Variants in SLC35F2 observed in about 807,000 individuals in gnomAD.
SLC35F2 encodes solute carrier family 35 member F2.
In SLC35F2, 25 loss-of-function variants were observed where a neutral mutation model predicts 38.1. That is an observed-to-expected ratio of 0.66 (90% confidence interval 0.48 to 0.92). The LOEUF is 0.92. SLC35F2 is among the 40% of genes least tolerant of loss of function. SLC35F2 has a pLI of 0.00. For missense variants in SLC35F2, 409 were observed against 452.9 expected (o/e 0.90, Z 0.88); for synonymous variants, 173 against 181.7 (o/e 0.95, Z 0.38).
rs1479784150 is a variant in SLC35F2 at position 107,803,025 on chromosome 11, A to G, written c.915T>C (p.Val305=). 1 of 1,612,342 alleles carries G rather than the reference A, an allele frequency of 6.2e-7. No homozygotes were observed. Residue 305 remains valine, a synonymous_variant, in exon 7 of 8, where the codon GTT becomes GTC. Transcript: ENST00000525815. The part of the protein sequence containing the change: ...ILTADLYSLF[V]GLFLFGYKFS... ...CCTTATAGCCAAACAGAAAGAGTCCAACAAAAAGGCTGTAGAGGTCCGCTG... is the reference window on the plus strand; with the variant it reads ...CCTTATAGCCAAACAGAAAGAGTCCGACAAAAAGGCTGTAGAGGTCCGCTG...
chr11:107,836,281 T>C (rs1249731094), intron 1 of SLC35F2, among the ~76,000 whole-genome samples: 2 of 152,206 alleles, frequency 1.3e-5, no homozygotes, highest in Admixed American at 1.3e-4. Context: ...TGTAGAACTA[T>C]TGCTTACATT....
At chr11:107,854,276 A>G (rs977088227) in intron 1 of SLC35F2, among the ~76,000 whole-genome samples, 1 of 150,938 alleles carries the variant, frequency 6.6e-6, no homozygotes, top group African/African-American at 2.4e-5. Flanking sequence ...TACGGAAAAA[A>G]AAAAAAAACT....
At position 107,842,257 on chromosome 11, in the gene SLC35F2, C is replaced by CAAAAAAAAAAAAAAAAAAAAAAAAAA. The variant is rs541185009; in HGVS notation, c.110+16375_110+16400dup. 1.3e-4 allele frequency among the ~76,000 whole-genome samples: 5 copies of CAAAAAAAAAAAAAAAAAAAAAAAAAA among 37,902 alleles called. 2 individuals are homozygous for CAAAAAAAAAAAAAAAAAAAAAAAAAA. The highest frequency in any genetic ancestry group is 1.7e-4 in the Non-Finnish European group (4 of 23,856). 24.9% of individuals were successfully genotyped at this position (37,902 alleles called of 152,430 possible). A position where few individuals can be genotyped will look rare whatever the true frequency, so the allele number is the denominator to read the frequency against. ...GGCGACAGAGTGAGACTCCGTCTCA[C>CAAAAAAAAAAAAAAAAAAAAAAAAAA]AAAAAAAAAAAAAAAAAAAAAAAAA... On this transcript the variant is annotated intron_variant, in intron 1 of 7. Coordinates refer to ENST00000525815, the MANE Select transcript of SLC35F2 (RefSeq NM_017515.5).
intron 3 of SLC35F2, chr11:107,809,888 G>A: frequency 4.1e-6 from 4 of 985,400 alleles, no homozygotes; most frequent in Non-Finnish European, 4.8e-6. Context: ...GAACAGAGCA[G>A]CACAGGGGAG....
intron 6 of SLC35F2, among the ~76,000 whole-genome samples, chr11:107,803,991 A>G (rs542502835): frequency 1.3e-3 from 121 of 96,720 alleles, no homozygotes; most frequent in Middle Eastern, 9.3e-3. Flanking sequence ...ATGCCCGGAT[A>G]ATTTTTTTTT....
rs560184663 is a variant in SLC35F2, at chr11:107,814,329, C to T, written c.286+1461G>A. On this transcript the variant is annotated intron_variant, in intron 2 of 7. Coordinates refer to ENST00000525815, the MANE Select transcript of SLC35F2 (RefSeq NM_017515.5). ...AATTAGCCAGGTGTGGTGGCACGTG[C>T]CTGTAATCCCAGCTACTAGGGAGGC... Among the ~76,000 whole-genome samples, 59 of 151,976 alleles carry T rather than the reference C, an allele frequency of 3.9e-4. No homozygotes were observed. The South Asian group carries it at 0.012, about 31-fold the overall frequency.
Position 107,858,710 on chromosome 11 carries a change from C to T in SLC35F2, c.58G>A (p.Ala20Thr). Reference sequence around the variant, plus strand: ...CGCAGCAGGCTGGAGAACTCGGCCGCCGCTCCCTCCGCGAGGGGCTCTGGG... The same window carrying T: ...CGCAGCAGGCTGGAGAACTCGGCCGTCGCTCCCTCCGCGAGGGGCTCTGGG... ...GAPEPLAEGAAAEFSSLLRRI... is the reference protein window; with the variant it reads ...GAPEPLAEGATAEFSSLLRRI... The change falls in exon 1 of 8, where the codon GCG becomes ACG. Residue 20 changes from alanine (A) to threonine (T), a missense_variant. Coordinates refer to ENST00000525815, the MANE Select transcript of SLC35F2 (RefSeq NM_017515.5). 1 of 1,300,712 alleles carries T rather than the reference C, an allele frequency of 7.7e-7. No homozygotes were observed. Among genetic ancestry groups the T allele is most frequent in the Non-Finnish European group, 9.8e-7 (1 of 1,016,590 alleles). The allele number at this position is 1,300,712 out of a possible 1,614,324, so 80.6% of individuals were successfully genotyped here. A position where few individuals can be genotyped will look rare whatever the true frequency, so the allele number is the denominator to read the frequency against.
intron 7 of SLC35F2, among the ~76,000 whole-genome samples, chr11:107,798,380 C>G (rs1027581841): frequency 2.6e-5 from 4 of 152,158 alleles, no homozygotes; most frequent in African/African-American, 9.7e-5. Context: ...ACCTATATAA[C>G]TTGTTCAAAA....
At chr11:107,799,625 C>T (rs1859273319) in intron 7 of SLC35F2, among the ~76,000 whole-genome samples, 1 of 152,168 alleles carries the variant, frequency 6.6e-6, no homozygotes, top group African/African-American at 2.4e-5. Flanking sequence ...GAGTCTCACC[C>T]TGTCACCCAG....
chr11:107,823,926 C>CAAAAAAAAAAAAAAAAGAA (rs1859714098), intron 1 of SLC35F2: 1 of 604,134 alleles, frequency 1.7e-6, no homozygotes, highest in Non-Finnish European at 2.0e-6. Flanking sequence ...AAGACAGTCT[C>CAAAAAAAAAAAAAAAAGAA]AAAAAAAAAA....
intron 7 of SLC35F2, among the ~76,000 whole-genome samples, chr11:107,801,186 T>TTTAA (rs111249213): frequency 6.6e-6 from 1 of 152,068 alleles, no homozygotes; most frequent in Non-Finnish European, 1.5e-5. Context: ...GGATTACAAG[T>TTTAA]GTAAGCCATT....
At chr11:107,820,681 C>T (rs544678666) in intron 1 of SLC35F2, among the ~76,000 whole-genome samples, 4 of 152,170 alleles carry the variant, frequency 2.6e-5, no homozygotes, top group East Asian at 1.9e-4. Flanking sequence ...TCAGGCTGGG[C>T]GCAGTGGCTC....
At position 107,849,695 on chromosome 11, in the gene SLC35F2, G is replaced by C. The variant is rs528434276; in HGVS notation, c.110+8963C>G. On this transcript the variant is annotated intron_variant, in intron 1 of 7. Transcript: ENST00000525815. ...GATTGAAGGGGGAGGTGGACTCTAG[G>C]ACTATTCTGGAAGCGCTGTCAAGAC... Among the ~76,000 whole-genome samples the C allele has an allele frequency of 2.3e-3, 349 of 149,086 alleles. 2 individuals carry two copies. Among genetic ancestry groups the C allele is most frequent in the Non-Finnish European group, 3.8e-3 (255 of 66,620 alleles).
intron 1 of SLC35F2, among the ~76,000 whole-genome samples, chr11:107,843,679 A>T (rs185621368): frequency 3.3e-5 from 5 of 151,102 alleles, no homozygotes; most frequent in Admixed American, 2.6e-4. Context: ...AAATAGCAAG[A>T]CCCCATTTCT....
chr11:107,806,448 G>A (rs924982625), intron 4 of SLC35F2: 1 of 401,174 alleles, frequency 2.5e-6, no homozygotes, highest in South Asian at 2.1e-5. Context: ...GTGAATTCAT[G>A]GACCTTAATT....
At chr11:107,799,450 G>A (rs1467729661) in intron 7 of SLC35F2, among the ~76,000 whole-genome samples, 1 of 152,158 alleles carries the variant, frequency 6.6e-6, no homozygotes, top group Non-Finnish European at 1.5e-5. Flanking sequence ...CCCTAGTGGT[G>A]GCCAGATGAA....
chr11:107,838,244 T>C (rs1859960266), intron 1 of SLC35F2, among the ~76,000 whole-genome samples: 1 of 152,190 alleles, frequency 6.6e-6, no homozygotes, highest in Non-Finnish European at 1.5e-5. Flanking sequence ...AAAACCTTTC[T>C]TACCTCAACA....
intron 1 of SLC35F2, among the ~76,000 whole-genome samples, chr11:107,843,524 T>C (rs1024606364): frequency 2.7e-5 from 4 of 147,384 alleles, no homozygotes; most frequent in African/African-American, 5.0e-5. Context: ...CACTCCAGCC[T>C]GGGCAACAAA....
intron 2 of SLC35F2, among the ~76,000 whole-genome samples, chr11:107,812,027 G>A (rs1278669893): frequency 6.6e-6 from 1 of 151,950 alleles, no homozygotes; most frequent in African/African-American, 2.4e-5. Context: ...TCAGCCTCCT[G>A]AGTAGCTGGG....
Sources: allele counts gnomAD v4.1 joint callset (sites outside exome capture counted in the v4.1 genomes callset), GRCh38; gene constraint gnomAD v4.1.1; transcripts MANE v1.5; gene names NCBI Gene and HGNC (gene_info 2026-07-23, HGNC 2026-07-21).